The following SDK1 variants were observed in gnomAD, a reference collection of about 807,000 sequenced individuals.
The protein encoded by SDK1 is protein sidekick-1.
In SDK1, 157 loss-of-function variants were observed where a neutral mutation model predicts 245.5. That is an observed-to-expected ratio of 0.64 (90% CI 0.56 to 0.73). The LOEUF (loss-of-function observed/expected upper bound fraction) is 0.73, where lower values mean the gene tolerates loss of function less well. SDK1 is among the 30% of genes least tolerant of loss of function. The pLI, the probability that SDK1 is intolerant of heterozygous loss-of-function variation, is 0.00. For missense variants in SDK1, 3,583 were observed against 3,002.3 expected, an observed-to-expected ratio of 1.19 and a Z score of -4.52; for synonymous variants, 1,647 against 1,278.5, an observed-to-expected ratio of 1.29 and a Z score of -6.15.
intron 16 of SDK1, among the ~76,000 whole-genome samples, chr7:4,012,497 G>GA (rs915987861): frequency 2.6e-4 from 37 of 140,080 alleles, no homozygotes; most frequent in African/African-American, 9.4e-4. Context: ...TTTGGCAGGA[G>GA]AATGGAGGGG....
chr7:3,616,896 A>C lies in SDK1; in HGVS notation c.299-2184A>C, dbSNP rs554756653. On this transcript the variant is annotated intron_variant, in intron 1 of 44. Coordinates refer to ENST00000404826, the MANE Select transcript of SDK1 (RefSeq NM_152744.4). Reference sequence around the variant, plus strand: ...TCACAAATAAATTACCAAAAATTTAAAGTTGAGTATGACTTCTTGAAAAGA... The same window carrying C: ...TCACAAATAAATTACCAAAAATTTACAGTTGAGTATGACTTCTTGAAAAGA... 2.1e-4 allele frequency among the ~76,000 whole-genome samples: 32 copies of C among 152,352 alleles called. 1 individual carries two copies. Among genetic ancestry groups the C allele is most frequent in the African/African-American group, 7.0e-4 (29 of 41,592 alleles).
chr7:4,024,171 A>G (rs745636569), intron 17 of SDK1, among the ~76,000 whole-genome samples: 15 of 152,198 alleles, frequency 9.9e-5, no homozygotes, highest in Middle Eastern at 3.2e-3. Flanking sequence ...AATATTTCAT[A>G]TTTTAAAAGA....
intron 1 of SDK1, among the ~76,000 whole-genome samples, chr7:3,502,780 C>A (rs1431182523): frequency 6.6e-6 from 1 of 152,186 alleles, no homozygotes; most frequent in Non-Finnish European, 1.5e-5. Context: ...ATTAACAACA[C>A]ATTTCTTACA....
At chr7:4,260,949 A>G (rs547133889) in intron 44 of SDK1, among the ~76,000 whole-genome samples, 1 of 152,332 alleles carries the variant, frequency 6.6e-6, no homozygotes, top group African/African-American at 2.4e-5. Flanking sequence ...AATGCAGAGG[A>G]GCCACAGATG....
intron 35 of SDK1, among the ~76,000 whole-genome samples, chr7:4,180,782 G>A (rs1043061485): frequency 1.3e-5 from 2 of 152,154 alleles, no homozygotes; most frequent in African/African-American, 4.8e-5. Flanking sequence ...GCAAGAGAGC[G>A]CAAGAGGGAG....
At chr7:3,403,856 T>TA (rs1404605959) in intron 1 of SDK1, among the ~76,000 whole-genome samples, 1 of 106,252 alleles carries the variant, frequency 9.4e-6, no homozygotes, top group East Asian at 2.4e-4. Flanking sequence ...TATATATATA[T>TA]ATATATATAT....
At chr7:4,258,298 C>A (rs1416026965) in intron 44 of SDK1, among the ~76,000 whole-genome samples, 1 of 152,166 alleles carries the variant, frequency 6.6e-6, no homozygotes, top group Non-Finnish European at 1.5e-5. Flanking sequence ...TAGGCCCCAC[C>A]CAGTGTGAAC....
chr7:3,474,725 CTG>C (rs1342355300), intron 1 of SDK1, among the ~76,000 whole-genome samples: 1 of 152,136 alleles, frequency 6.6e-6, no homozygotes, highest in African/African-American at 2.4e-5. Flanking sequence ...GGGTCTTACT[CTG>C]TCACCCAGGC....
chr7:3,400,471 G>A (rs1263694192), intron 1 of SDK1, among the ~76,000 whole-genome samples: 2 of 152,066 alleles, frequency 1.3e-5, no homozygotes, highest in African/African-American at 2.4e-5. Context: ...AGTCCCTGAA[G>A]GTTACATACA....
At chr7:4,146,298 A>G (rs1779975337) in intron 29 of SDK1, among the ~76,000 whole-genome samples, 1 of 148,180 alleles carries the variant, frequency 6.7e-6, no homozygotes, top group Non-Finnish European at 1.5e-5. Flanking sequence ...ACATGTGAGC[A>G]TTGCATGACA....
intron 38 of SDK1, among the ~76,000 whole-genome samples, chr7:4,211,008 G>A (rs1419318287): frequency 6.6e-6 from 1 of 152,122 alleles, no homozygotes; most frequent in Admixed American, 6.5e-5. Context: ...CTTGGGTGGT[G>A]CTGGTGGCTG....
intron 1 of SDK1, among the ~76,000 whole-genome samples, chr7:3,602,089 T>C (rs887949448): frequency 1.3e-5 from 2 of 152,062 alleles, no homozygotes; most frequent in Non-Finnish European, 2.9e-5. Flanking sequence ...GTTGGACATT[T>C]AGGTTGGTTC....
intron 8 of SDK1, among the ~76,000 whole-genome samples, chr7:3,960,683 G>T (rs529354442): frequency 6.6e-6 from 1 of 152,314 alleles, no homozygotes; most frequent in African/African-American, 2.4e-5. Flanking sequence ...CACAGCGGCT[G>T]CTGTCCACGG....
intron 1 of SDK1, among the ~76,000 whole-genome samples, chr7:3,475,838 T>G (rs777233197): frequency 6.6e-6 from 1 of 152,224 alleles, no homozygotes; most frequent in Non-Finnish European, 1.5e-5. Context: ...GCTGCCTCTC[T>G]GGCTCTCTGT....
intron 5 of SDK1, among the ~76,000 whole-genome samples, chr7:3,891,999 T>C (rs1459702460): frequency 6.6e-6 from 1 of 152,180 alleles, no homozygotes; most frequent in African/African-American, 2.4e-5. Flanking sequence ...AAAACAAGTT[T>C]AGTTAGGCCA....
At chr7:3,756,814 T>G (rs1779946279) in intron 4 of SDK1, among the ~76,000 whole-genome samples, 1 of 152,094 alleles carries the variant, frequency 6.6e-6, no homozygotes, top group Non-Finnish European at 1.5e-5. Context: ...TAGACTGGGG[T>G]TATGGATTTT....
chr7:4,053,773 C>T lies in SDK1; in HGVS notation c.2911+1943C>T, dbSNP rs543092388. Among the ~76,000 whole-genome samples, 3 of 152,266 alleles carry T rather than the reference C, an allele frequency of 2.0e-5. No individual in the cohort carries two copies. In the South Asian group the frequency reaches 6.2e-4, roughly 32 times the overall value. On this transcript the variant is annotated intron_variant, in intron 19 of 44. Transcript: ENST00000404826. ...CTGAGACCAACAATCAATCCCTCCT[C>T]ACAAAAAAGATGAAATGAAAAGTAG...
intron 4 of SDK1, among the ~76,000 whole-genome samples, chr7:3,716,642 C>A (rs904458907): frequency 3.3e-5 from 5 of 151,848 alleles, no homozygotes; most frequent in Admixed American, 3.3e-4. Context: ...CCCCTGTAGT[C>A]CCAGCTACTC....
intron 22 of SDK1, among the ~76,000 whole-genome samples, chr7:4,082,100 T>C (rs1418218948): frequency 6.6e-6 from 1 of 152,134 alleles, no homozygotes; most frequent in Admixed American, 6.5e-5. Context: ...ACCCTTGTGG[T>C]TACTTACCGT....
Sources: allele counts gnomAD v4.1 joint callset (sites outside exome capture counted in the v4.1 genomes callset), GRCh38; gene constraint gnomAD v4.1.1; transcripts MANE v1.5; gene names NCBI Gene and HGNC (gene_info 2026-07-23, HGNC 2026-07-21).